The following PLCL1 variants were observed in gnomAD, a reference collection of about 807,000 sequenced individuals.
PLCL1 encodes the protein phospholipase C like 1 (inactive).
PLCL1 carries 41 observed loss-of-function variants against 84.4 expected under a neutral mutation model. That is an observed-to-expected ratio of 0.49 (90% CI 0.38 to 0.63). PLCL1 has a LOEUF of 0.63. PLCL1 is among the 30% of genes least tolerant of loss of function. The pLI is 0.00. For synonymous variants in PLCL1, 490 were observed against 488.3 expected, an observed-to-expected ratio of 1.00 and a Z score of -0.05; for missense variants, 1,206 against 1,367.8, an observed-to-expected ratio of 0.88 and a Z score of 1.87.
At chr2:198,043,946 A>G (rs1430794226) in intron 1 of PLCL1, among the ~76,000 whole-genome samples, 3 of 97,910 alleles carry the variant, frequency 3.1e-5, no homozygotes, top group Non-Finnish European at 6.6e-5. Context: ...TTCTCTGTGT[A>G]TTTGTACCTT....
chr2:197,840,421 C>T (rs766071363), intron 1 of PLCL1, among the ~76,000 whole-genome samples: 6 of 151,932 alleles, frequency 3.9e-5, no homozygotes, highest in East Asian at 1.9e-4. Context: ...ATAAAACATA[C>T]GTGAGAAAAA....
At chr2:198,003,744 A>T (rs1690660889) in intron 1 of PLCL1, among the ~76,000 whole-genome samples, 1 of 152,246 alleles carries the variant, frequency 6.6e-6, no homozygotes, top group Non-Finnish European at 1.5e-5. Flanking sequence ...GGTCTATGCA[A>T]ATAACTTCTC....
intron 1 of PLCL1, among the ~76,000 whole-genome samples, chr2:197,971,402 C>T (rs923924258): frequency 6.6e-6 from 1 of 152,126 alleles, no homozygotes; most frequent in Non-Finnish European, 1.5e-5. Context: ...GTGGGGGAAA[C>T]ACAAAGTACC....
At chr2:197,853,426 T>C (rs1285260911) in intron 1 of PLCL1, among the ~76,000 whole-genome samples, 1 of 152,224 alleles carries the variant, frequency 6.6e-6, no homozygotes, top group Non-Finnish European at 1.5e-5. Flanking sequence ...ATTCTAGCTT[T>C]AATTTTTTGA....
intron 1 of PLCL1, among the ~76,000 whole-genome samples, chr2:198,067,150 C>T (rs1386972419): frequency 6.9e-5 from 9 of 129,776 alleles, no homozygotes; most frequent in South Asian, 2.4e-4. Context: ...TTTTTAGAGA[C>T]GGAGTTTTGC....
At chr2:197,949,950 T>C (rs1689356924) in intron 1 of PLCL1, among the ~76,000 whole-genome samples, 1 of 152,110 alleles carries the variant, frequency 6.6e-6, no homozygotes, top group African/African-American at 2.4e-5. Context: ...CTATTGGAAG[T>C]GGGAGTTGAG....
intron 1 of PLCL1, among the ~76,000 whole-genome samples, chr2:197,866,658 C>T (rs1175697537): frequency 6.6e-6 from 1 of 152,150 alleles, no homozygotes; most frequent in African/African-American, 2.4e-5. Flanking sequence ...CCAGCTCCCT[C>T]ACCCTCAGAT....
chr2:198,003,237 A>AT (rs886348776), intron 1 of PLCL1, among the ~76,000 whole-genome samples: 6 of 152,208 alleles, frequency 3.9e-5, no homozygotes, highest in African/African-American at 7.2e-5. Flanking sequence ...CTACTTTACA[A>AT]TTTTTTTTAA....
At chr2:198,116,576 A>G (rs745910728) in intron 5 of PLCL1, among the ~76,000 whole-genome samples, 5 of 151,940 alleles carry the variant, frequency 3.3e-5, no homozygotes, top group Non-Finnish European at 7.4e-5. Flanking sequence ...TCTTCAGATA[A>G]CTACTTGAAT....
In PLCL1 at chr2:197,968,447, G is replaced by A. The variant is rs143035951; in HGVS notation, c.241-115311G>A. 2.0e-3 allele frequency among the ~76,000 whole-genome samples: 308 copies of A among 152,246 alleles called. 2 individuals are homozygous for A. The highest frequency in any genetic ancestry group is 3.4e-3 in the Middle Eastern group (1 of 294). ...TACTTTCTAGGTTTCCTTATAAAATGATAATAACAAAAGTATTCATCATTT... is the reference window on the plus strand; with the variant it reads ...TACTTTCTAGGTTTCCTTATAAAATAATAATAACAAAAGTATTCATCATTT... On this transcript the variant is annotated intron_variant, in intron 1 of 5. Coordinates refer to ENST00000428675, the MANE Select transcript of PLCL1 (RefSeq NM_006226.4).
chr2:197,805,446 T>A lies in PLCL1; in HGVS notation c.240+107T>A. 9.5e-7 allele frequency: 1 copy of A among 1,047,350 alleles called. No individual in the cohort carries two copies. The highest frequency in any genetic ancestry group is 1.2e-6 in the Non-Finnish European group (1 of 815,034). The allele number at this position is 1,047,350 out of a possible 1,614,324, so 64.9% of individuals were successfully genotyped here. A position where few individuals can be genotyped will look rare whatever the true frequency, so the allele number is the denominator to read the frequency against. ...GAGGCATCCGGGCTCAGCATTGTTT[T>A]CTCCCACCTCCTTCAACGCCAAACC... On this transcript the variant is annotated intron_variant, in intron 1 of 5. Transcript: ENST00000428675. This position sits in a 1 kb window ranked among gnomAD's most constrained non-coding sequence, Gnocchi z 4.0.
At chr2:198,048,730 C>T (rs913481930) in intron 1 of PLCL1, among the ~76,000 whole-genome samples, 6 of 152,192 alleles carry the variant, frequency 3.9e-5, no homozygotes, top group African/African-American at 1.4e-4. Flanking sequence ...CCAGACACCT[C>T]CCACTAGGCC....
chr2:198,007,241 T>C (rs1165913721), intron 1 of PLCL1, among the ~76,000 whole-genome samples: 1 of 152,130 alleles, frequency 6.6e-6, no homozygotes, highest in Non-Finnish European at 1.5e-5. Flanking sequence ...GGGATCAGCA[T>C]TGAGCTCACT....
intron 1 of PLCL1, among the ~76,000 whole-genome samples, chr2:198,048,987 G>A (rs545590685): frequency 1.3e-5 from 2 of 152,340 alleles, no homozygotes; most frequent in South Asian, 2.1e-4. Flanking sequence ...GATTAGTTGC[G>A]TAGTAAGAAA....
At chr2:197,857,231 C>T (rs546944241) in intron 1 of PLCL1, among the ~76,000 whole-genome samples, 1 of 152,042 alleles carries the variant, frequency 6.6e-6, no homozygotes, top group East Asian at 1.9e-4. Flanking sequence ...CAGAATTTTA[C>T]AGCTGAAGCT....
chr2:198,012,786 C>A (rs929511239), intron 1 of PLCL1, among the ~76,000 whole-genome samples: 13 of 151,054 alleles, frequency 8.6e-5, no homozygotes, highest in South Asian at 2.1e-4. Flanking sequence ...GAGTAAGAAG[C>A]AGTTCATGAA....
chr2:198,128,004 GA>G (rs888800505), intron 5 of PLCL1, among the ~76,000 whole-genome samples: 11 of 152,002 alleles, frequency 7.2e-5, no homozygotes, highest in African/African-American at 2.2e-4. Flanking sequence ...AAAATAAGGA[GA>G]AAAAAATTAG....
intron 1 of PLCL1, among the ~76,000 whole-genome samples, chr2:197,890,578 T>C (rs1340127177): frequency 2.0e-5 from 3 of 151,572 alleles, no homozygotes; most frequent in Non-Finnish European, 4.4e-5. Context: ...GAATAAATGT[T>C]ATTCATAAAC....
intron 1 of PLCL1, among the ~76,000 whole-genome samples, chr2:197,919,043 A>G (rs1688657057): frequency 6.6e-6 from 1 of 152,066 alleles, no homozygotes; most frequent in Non-Finnish European, 1.5e-5. Flanking sequence ...ATAGTGTTAA[A>G]AGATTTTACT....
Sources: allele counts gnomAD v4.1 joint callset (sites outside exome capture counted in the v4.1 genomes callset), GRCh38; gene constraint gnomAD v4.1.1; non-coding constraint Gnocchi (gnomAD v3.1); transcripts MANE v1.5; gene names NCBI Gene and HGNC (gene_info 2026-07-23, HGNC 2026-07-21).